The following CAMKMT variants were observed in gnomAD, a reference collection of about 807,000 sequenced individuals.
CAMKMT encodes CaM KMT.
A neutral mutation model predicts 48.0 loss-of-function variants in CAMKMT; 53 were observed. The observed-to-expected ratio is 1.10, with a 90% CI of 0.89 to 1.39. The LOEUF is 1.39. Ranked by LOEUF, CAMKMT falls within the 40% of genes most tolerant of loss-of-function variation. The probability of loss-of-function intolerance (pLI) is 0.00; values close to 1 mark genes in which losing one functional copy is unlikely to be tolerated. For synonymous variants in CAMKMT, 165 were observed against 152.3 expected (o/e 1.08, Z -0.61); for missense variants, 428 against 402.7 (o/e 1.06, Z -0.54).
chr2:44,593,873 C>G (rs1558730378), intron 3 of CAMKMT, among the ~76,000 whole-genome samples: 1 of 148,904 alleles, frequency 6.7e-6, no homozygotes, highest in South Asian at 2.1e-4. Context: ...AAGCGATTCT[C>G]CTGCCTCAGC....
Position 44,418,482 on chromosome 2 carries a change from A to G in CAMKMT, c.376+28177A>G, listed in dbSNP as rs575445868. 5.3e-5 allele frequency among the ~76,000 whole-genome samples: 8 copies of G among 152,168 alleles called. No individual in the cohort carries two copies. In the South Asian group the frequency reaches 1.7e-3, roughly 32 times the overall value. On this transcript the variant is annotated intron_variant, in intron 3 of 10. Coordinates refer to ENST00000378494, the MANE Select transcript of CAMKMT (RefSeq NM_024766.5). ...CACGTGGGTATTTGGTTGTTTTGGT[A>G]TCATTGATTGAAAACACTGTCATTT...
intron 3 of CAMKMT, chr2:44,456,854 T>C (rs1399267668): frequency 1.4e-5 from 6 of 418,514 alleles, no homozygotes; most frequent in Admixed American, 1.2e-4. Context: ...ACAAAGCTAG[T>C]GTCTGGGATA....
intron 3 of CAMKMT, among the ~76,000 whole-genome samples, chr2:44,616,975 G>T (rs1484950145): frequency 6.6e-6 from 1 of 152,196 alleles, no homozygotes; most frequent in Non-Finnish European, 1.5e-5. Flanking sequence ...AGTTCAAAGA[G>T]ACTATGATGA....
At chr2:44,464,526 C>G (rs1173222675) in intron 3 of CAMKMT, among the ~76,000 whole-genome samples, 1 of 152,126 alleles carries the variant, frequency 6.6e-6, no homozygotes, top group East Asian at 1.9e-4. Flanking sequence ...AAGAGGTGCA[C>G]ACTGTGACAC....
intron 3 of CAMKMT, among the ~76,000 whole-genome samples, chr2:44,638,508 G>T (rs1673271245): frequency 1.3e-5 from 2 of 152,160 alleles, no homozygotes; most frequent in South Asian, 4.1e-4. Context: ...CTTCTAGTGA[G>T]AACCCAAGGC....
chr2:44,395,113 C>A, intron 3 of CAMKMT: 2 of 375,736 alleles, frequency 5.3e-6, no homozygotes, highest in Admixed American at 3.4e-5. Context: ...GAAATATGGT[C>A]TAAATTTTTA....
At chr2:44,606,285 G>A (rs907269328) in intron 3 of CAMKMT, among the ~76,000 whole-genome samples, 6 of 152,178 alleles carry the variant, frequency 3.9e-5, no homozygotes, top group African/African-American at 1.4e-4. Flanking sequence ...AGGAAATTAA[G>A]TGATAATATA....
At chr2:44,482,144 T>G (rs1668996439) in intron 3 of CAMKMT, among the ~76,000 whole-genome samples, 1 of 152,014 alleles carries the variant, frequency 6.6e-6, no homozygotes, top group Non-Finnish European at 1.5e-5. Flanking sequence ...GGGAAAGACT[T>G]TCAGGAGAGG....
chr2:44,586,321 G>A (rs1232937025), intron 3 of CAMKMT, among the ~76,000 whole-genome samples: 1 of 149,820 alleles, frequency 6.7e-6, no homozygotes, highest in African/African-American at 2.4e-5. Context: ...TTTAACATAT[G>A]TATATATATA....
chr2:44,429,555 C>G (rs1011289324), intron 3 of CAMKMT, among the ~76,000 whole-genome samples: 2 of 151,892 alleles, frequency 1.3e-5, no homozygotes, highest in Admixed American at 6.6e-5. Context: ...TTAATGGGAC[C>G]AAAAGAAGAA....
intron 3 of CAMKMT, among the ~76,000 whole-genome samples, chr2:44,434,256 T>A (rs1330498993): frequency 6.6e-6 from 1 of 152,066 alleles, no homozygotes; most frequent in African/African-American, 2.4e-5. Flanking sequence ...GGTTGAGGTT[T>A]CCATTGATAG....
chr2:44,418,657 C>G (rs965025760), intron 3 of CAMKMT, among the ~76,000 whole-genome samples: 1 of 152,158 alleles, frequency 6.6e-6, no homozygotes, highest in Non-Finnish European at 1.5e-5. Flanking sequence ...CATAGTGAGT[C>G]TGGAAATGGG....
At chr2:44,692,100 T>G (rs1349042518) in intron 3 of CAMKMT, among the ~76,000 whole-genome samples, 1 of 152,210 alleles carries the variant, frequency 6.6e-6, no homozygotes, top group African/African-American at 2.4e-5. Context: ...AAGGGCACAT[T>G]TATCCAAAGT....
intron 3 of CAMKMT, among the ~76,000 whole-genome samples, chr2:44,603,765 TATTTGC>T (rs1427005658): frequency 6.6e-6 from 1 of 152,246 alleles, no homozygotes; most frequent in Admixed American, 6.5e-5. Context: ...CCCCAGATTC[TATTTGC>T]ATTCTTTCAA....
chr2:44,363,372 C>T (rs375702013), intron 1 of CAMKMT, among the ~76,000 whole-genome samples: 1 of 151,828 alleles, frequency 6.6e-6, no homozygotes, highest in African/African-American at 2.4e-5. Context: ...ACTCAACCCC[C>T]CTTCCCCCCT....
intron 3 of CAMKMT, among the ~76,000 whole-genome samples, chr2:44,688,356 T>G (rs1429584717): frequency 6.6e-6 from 1 of 152,128 alleles, no homozygotes; most frequent in Non-Finnish European, 1.5e-5. Context: ...GCAGAAATTT[T>G]TGGAGAGCAG....
chr2:44,514,287 C>T (rs1670725029), intron 3 of CAMKMT, among the ~76,000 whole-genome samples: 1 of 152,004 alleles, frequency 6.6e-6, no homozygotes, highest in Non-Finnish European at 1.5e-5. Context: ...ATGTTTATGC[C>T]AGATGATGTA....
chr2:44,543,453 G>T (rs982336975), intron 3 of CAMKMT, among the ~76,000 whole-genome samples: 3 of 152,112 alleles, frequency 2.0e-5, no homozygotes, highest in Admixed American at 6.5e-5. Context: ...ATGCCCTGTG[G>T]GACCTATATC....
At chr2:44,363,822 C>T (rs1678298436) in intron 1 of CAMKMT, among the ~76,000 whole-genome samples, 2 of 151,458 alleles carry the variant, frequency 1.3e-5, no homozygotes, top group African/African-American at 4.9e-5. Context: ...TTCCGAATAG[C>T]TGGGATTACA....
Sources: allele counts gnomAD v4.1 joint callset (sites outside exome capture counted in the v4.1 genomes callset), GRCh38; gene constraint gnomAD v4.1.1; transcripts MANE v1.5; gene names NCBI Gene and HGNC (gene_info 2026-07-23, HGNC 2026-07-21).